FREM1: variants seen among roughly 807,000 people sequenced by gnomAD.
FREM1 encodes the protein FRAS1 related extracellular matrix 1.
FREM1 carries 220 observed loss-of-function variants against 210.1 expected under a neutral mutation model. That is an observed-to-expected ratio of 1.05 (90% CI 0.94 to 1.17). FREM1 has a LOEUF of 1.17. Ranked by LOEUF, FREM1 falls within the 50% of genes most tolerant of loss-of-function variation. FREM1 has a pLI of 0.00. For missense variants in FREM1, 3,454 were observed against 2,675.5 expected (o/e 1.29, Z -6.42); for synonymous variants, 1,189 against 980.2 (o/e 1.21, Z -3.98).
At chr9:14,835,614 G>A (rs990849626) in intron 10 of FREM1, among the ~76,000 whole-genome samples, 7 of 152,150 alleles carry the variant, frequency 4.6e-5, no homozygotes, top group Admixed American at 4.6e-4. Context: ...GACCTCAAGA[G>A]GAAAGGATCA....
chr9:14,798,054 A>T (rs1254566353), intron 20 of FREM1, among the ~76,000 whole-genome samples: 3 of 152,172 alleles, frequency 2.0e-5, no homozygotes, highest in East Asian at 3.9e-4. Flanking sequence ...TGTTTTTTTT[A>T]AATCTACCTA....
At chr9:14,869,761 A>T (rs1418275624) in intron 1 of FREM1, among the ~76,000 whole-genome samples, 1 of 152,254 alleles carries the variant, frequency 6.6e-6, no homozygotes, top group African/African-American at 2.4e-5. Flanking sequence ...TTGCTGGGCA[A>T]TGAAGACACC....
chr9:14,886,857 T>C lies in FREM1; in HGVS notation c.-267-17613A>G, dbSNP rs114299015. On this transcript the variant is annotated intron_variant, in intron 1 of 36. Coordinates refer to ENST00000380880, the MANE Select transcript of FREM1 (RefSeq NM_001379081.2). ...GGTTGCACAGAGTGACACTGCAGCCTGAGTGACAAAGTGAAGTGAGACAGT... is the reference window on the plus strand; with the variant it reads ...GGTTGCACAGAGTGACACTGCAGCCCGAGTGACAAAGTGAAGTGAGACAGT... Among the ~76,000 whole-genome samples, 738 of 134,746 alleles carry C rather than the reference T, an allele frequency of 5.5e-3. 5 individuals carry two copies. Among genetic ancestry groups the C allele is most frequent in the African/African-American group, 0.021 (714 of 34,764 alleles). The allele number at this position is 134,746 out of a possible 152,430, so 88.4% of individuals were successfully genotyped here.
intron 22 of FREM1, among the ~76,000 whole-genome samples, 179 bp downstream of exon 22, chr9:14,792,564 C>T (rs1394210779): frequency 6.6e-6 from 1 of 152,060 alleles, no homozygotes; most frequent in Non-Finnish European, 1.5e-5. Context: ...TGAATTTACC[C>T]CATGTTGACA....
At chr9:14,758,670 A>T (rs1316635988) in intron 28 of FREM1, among the ~76,000 whole-genome samples, 2 of 112,738 alleles carry the variant, frequency 1.8e-5, no homozygotes, top group Non-Finnish European at 3.6e-5. Context: ...TTTTCATCAG[A>T]TGGTGGGGGG....
chr9:14,786,543 T>G (rs1302785420), intron 23 of FREM1, among the ~76,000 whole-genome samples: 2 of 152,178 alleles, frequency 1.3e-5, no homozygotes, highest in Non-Finnish European at 2.9e-5. Context: ...CATTTGGCAA[T>G]GTCTGGAGAC....
chr9:14,797,996 T>C (rs1291398771), intron 20 of FREM1, among the ~76,000 whole-genome samples: 1 of 152,156 alleles, frequency 6.6e-6, no homozygotes, highest in Non-Finnish European at 1.5e-5. Flanking sequence ...GAGCCAATCA[T>C]CAAAATGAAT....
At chr9:14,865,978 C>A (rs1476373784) in intron 2 of FREM1, among the ~76,000 whole-genome samples, 1 of 152,152 alleles carries the variant, frequency 6.6e-6, no homozygotes, top group East Asian at 1.9e-4. Flanking sequence ...AACTCCTTTA[C>A]CACAGAATAA....
At chr9:14,872,567 G>A (rs1832876671) in intron 1 of FREM1, among the ~76,000 whole-genome samples, 1 of 152,094 alleles carries the variant, frequency 6.6e-6, no homozygotes, top group Non-Finnish European at 1.5e-5. Flanking sequence ...GGAGATTTTG[G>A]ACTGAGACAA....
intron 4 of FREM1, among the ~76,000 whole-genome samples, chr9:14,858,401 G>A (rs1404025303): frequency 6.6e-6 from 1 of 151,910 alleles, no homozygotes; most frequent in Admixed American, 6.6e-5. Flanking sequence ...GGTCTTGCTA[G>A]GTTGCCCAGA....
chr9:14,812,784 C>T (rs1373299352), intron 16 of FREM1, 28 bp downstream of exon 16: 1 of 1,575,398 alleles, frequency 6.3e-7, no homozygotes, highest in South Asian at 1.2e-5. Flanking sequence ...GCTTGCATTC[C>T]CTCACTGGTC....
chr9:14,885,464 G>C (rs901397430), intron 1 of FREM1, among the ~76,000 whole-genome samples: 1 of 152,166 alleles, frequency 6.6e-6, no homozygotes. Flanking sequence ...CTGTCGCCCA[G>C]GCTAGCATGC....
intron 10 of FREM1, among the ~76,000 whole-genome samples, chr9:14,840,147 A>G (rs924130815): frequency 6.6e-6 from 1 of 152,218 alleles, no homozygotes; most frequent in African/African-American, 2.4e-5. Flanking sequence ...TCAATCATCT[A>G]TGCATTAGCT....
chr9:14,769,819 A>C lies in FREM1; in HGVS notation c.5109T>G (p.Thr1703=). ...KFSQKDLNSK[T]ILYIINPSLE... is the part of the protein sequence containing the mutation. ...AAGATGGGTTTATGATGTAAAGAAT[A>C]GTCTTACTGTTTAAGTCCTTTTGGC... Residue 1703 remains threonine, a synonymous_variant, in exon 27 of 37, where the codon ACT becomes ACG. Transcript: ENST00000380880. 2 of 1,604,604 alleles carry C rather than the reference A, an allele frequency of 1.2e-6. No homozygotes were observed. Among genetic ancestry groups the C allele is most frequent in the Non-Finnish European group, 1.7e-6 (2 of 1,174,236 alleles).
At chr9:14,891,088 C>T (rs1011643608) in intron 1 of FREM1, among the ~76,000 whole-genome samples, 1 of 152,186 alleles carries the variant, frequency 6.6e-6, no homozygotes, top group Non-Finnish European at 1.5e-5. Flanking sequence ...ACCAGTGTCA[C>T]GCCAACTGAA....
chr9:14,836,365 A>G lies in FREM1; in HGVS notation c.1881+5082T>C, dbSNP rs2818934. Among the ~76,000 whole-genome samples, 98,103 of 152,168 alleles carry G rather than the reference A, an allele frequency of 0.64. 34,350 individuals are homozygous for G. The highest frequency in any genetic ancestry group is 0.82 in the Middle Eastern group (241 of 294). On this transcript the variant is annotated intron_variant, in intron 10 of 36. Transcript: ENST00000380880. The surrounding 1 kb of genome is among the most constrained non-coding windows in gnomAD (Gnocchi z 4.9). ...AAAAAGAAAGCGTAAAAGTTTTACT[A>G]TCACTAAGTCTGCTAGGATTTTTTA...
intron 35 of FREM1, among the ~76,000 whole-genome samples, chr9:14,740,476 G>C (rs556340323): frequency 1.3e-5 from 2 of 152,114 alleles, no homozygotes; most frequent in African/African-American, 2.4e-5. Context: ...AACATCGATA[G>C]GTTTTCAAAC....
chr9:14,844,531 T>C (rs1446531304), intron 8 of FREM1, among the ~76,000 whole-genome samples: 1 of 152,136 alleles, frequency 6.6e-6, no homozygotes, highest in African/African-American at 2.4e-5. Flanking sequence ...GGCCAGAGAC[T>C]TACAATTCTT....
intron 7 of FREM1, among the ~76,000 whole-genome samples, chr9:14,847,423 A>G (rs541369181): frequency 1.2e-5 from 1 of 84,400 alleles, no homozygotes; most frequent in East Asian, 4.2e-4. Context: ...GAAGGAAGGA[A>G]GGAAGGGAGG....
Sources: allele counts gnomAD v4.1 joint callset (sites outside exome capture counted in the v4.1 genomes callset), GRCh38; gene constraint gnomAD v4.1.1; non-coding constraint Gnocchi (gnomAD v3.1); transcripts MANE v1.5; gene names NCBI Gene and HGNC (gene_info 2026-07-23, HGNC 2026-07-21).